The following ADAMTSL1 variants were observed in gnomAD, a reference collection of about 807,000 sequenced individuals.
The protein encoded by ADAMTSL1 is ADAMTS-like protein 1.
Under a neutral mutation model 201.8 loss-of-function variants are expected in ADAMTSL1, and 126 were observed. That is an observed-to-expected ratio of 0.62 (90% CI 0.54 to 0.72). ADAMTSL1 has a LOEUF of 0.72. Ranked by LOEUF, ADAMTSL1 falls within the 30% of genes least tolerant of loss-of-function variation. The pLI is 0.00. For synonymous variants in ADAMTSL1, 1,121 were observed against 903.4 expected, an observed-to-expected ratio of 1.24 and a Z score of -4.32; for missense variants, 2,679 against 2,277.8, an observed-to-expected ratio of 1.18 and a Z score of -3.59.
chr9:18,272,645 T>G (rs1832424409), intron 2 of ADAMTSL1, among the ~76,000 whole-genome samples: 1 of 152,202 alleles, frequency 6.6e-6, no homozygotes, highest in Non-Finnish European at 1.5e-5. Flanking sequence ...GTTGTAGGAT[T>G]TCTAAGAGAA....
At chr9:17,999,107 A>C (rs1345033980) in intron 1 of ADAMTSL1, among the ~76,000 whole-genome samples, 1 of 152,124 alleles carries the variant, frequency 6.6e-6, no homozygotes, top group Non-Finnish European at 1.5e-5. Flanking sequence ...CATGAACTGA[A>C]TACCCATAAA....
intron 5 of ADAMTSL1, among the ~76,000 whole-genome samples, chr9:18,626,824 T>A (rs1413981660): frequency 2.1e-5 from 3 of 143,304 alleles, no homozygotes; most frequent in Non-Finnish European, 3.1e-5. Context: ...TTTCTTTCTT[T>A]CTTTCTTACT....
chr9:18,572,675 T>A (rs377425108), intron 3 of ADAMTSL1, among the ~76,000 whole-genome samples: 1 of 152,322 alleles, frequency 6.6e-6, no homozygotes, highest in African/African-American at 2.4e-5. Context: ...TACCAGAGCG[T>A]TATATGCTCT....
chr9:18,280,343 A>G (rs537229139), intron 2 of ADAMTSL1, among the ~76,000 whole-genome samples: 1 of 151,498 alleles, frequency 6.6e-6, no homozygotes, highest in South Asian at 2.1e-4. Context: ...GTGGCTTGGC[A>G]CTGGGGTAGG....
At chr9:18,122,931 G>A (rs1159857265) in intron 1 of ADAMTSL1, among the ~76,000 whole-genome samples, 1 of 152,004 alleles carries the variant, frequency 6.6e-6, no homozygotes, top group Middle Eastern at 3.2e-3. Context: ...TCAAGATGGA[G>A]TTTCACCATG....
intron 14 of ADAMTSL1, among the ~76,000 whole-genome samples, chr9:18,717,729 T>C (rs565791497): frequency 6.6e-6 from 1 of 152,350 alleles, no homozygotes; most frequent in Non-Finnish European, 1.5e-5. Flanking sequence ...ATACTGGATG[T>C]AGTCTCTGCT....
intron 1 of ADAMTSL1, among the ~76,000 whole-genome samples, chr9:18,489,734 C>CA (rs1563992140): frequency 6.6e-6 from 1 of 151,996 alleles, no homozygotes; most frequent in Non-Finnish European, 1.5e-5. Flanking sequence ...GTCATATTTC[C>CA]CACTGCTCTT....
intron 2 of ADAMTSL1, among the ~76,000 whole-genome samples, chr9:18,173,874 A>C (rs1484311102): frequency 6.6e-6 from 1 of 152,156 alleles, no homozygotes; most frequent in Non-Finnish European, 1.5e-5. Context: ...TAATGGTGAA[A>C]TTTCGGTTTT....
At chr9:18,883,986 C>T (rs1330340812) in intron 23 of ADAMTSL1, among the ~76,000 whole-genome samples, 1 of 152,116 alleles carries the variant, frequency 6.6e-6, no homozygotes, top group Admixed American at 6.5e-5. Flanking sequence ...TTTTGAGGGG[C>T]CACCATACTG....
intron 23 of ADAMTSL1, among the ~76,000 whole-genome samples, chr9:18,851,784 GT>G (rs1232636538): frequency 2.0e-5 from 3 of 152,138 alleles, no homozygotes; most frequent in African/African-American, 7.2e-5. Context: ...CACTTGAGGC[GT>G]TTTTCCCTTA....
At chr9:18,547,631 T>TAAAAGAAAAAAA (rs71494960) in intron 3 of ADAMTSL1, among the ~76,000 whole-genome samples, 1 of 83,292 alleles carries the variant, frequency 1.2e-5, no homozygotes, top group African/African-American at 4.8e-5. Flanking sequence ...TGTATATATA[T>TAAAAGAAAAAAA]ATAAAAAAAA....
intron 3 of ADAMTSL1, among the ~76,000 whole-genome samples, chr9:18,562,343 G>A (rs939018005): frequency 6.6e-5 from 10 of 152,080 alleles, no homozygotes; most frequent in African/African-American, 2.2e-4. Context: ...TTGAATATTG[G>A]CCCCCACTCT....
At chr9:17,929,899 T>A (rs1437452301) in intron 1 of ADAMTSL1, among the ~76,000 whole-genome samples, 2 of 152,158 alleles carry the variant, frequency 1.3e-5, no homozygotes, top group Non-Finnish European at 2.9e-5. Flanking sequence ...ATTGTACACA[T>A]GAGGCCAGGG....
At chr9:18,023,322 A>T (rs1159946565) in intron 1 of ADAMTSL1, among the ~76,000 whole-genome samples, 1 of 152,112 alleles carries the variant, frequency 6.6e-6, no homozygotes, top group Non-Finnish European at 1.5e-5. Context: ...CTGACTTCCC[A>T]GATGATGCTG....
In ADAMTSL1 at chr9:18,390,118, G is replaced by C. The variant is rs149415035; in HGVS notation, c.208-114711G>C. ...TCAGCAAAATATCTACCATGAGATTGTATATATTTATTAGAAGTGAGATAC... is the reference window on the plus strand; with the variant it reads ...TCAGCAAAATATCTACCATGAGATTCTATATATTTATTAGAAGTGAGATAC... On this transcript the variant is annotated intron_variant, in intron 2 of 29. Transcript: ENST00000680146. 1.2e-3 allele frequency among the ~76,000 whole-genome samples: 188 copies of C among 152,234 alleles called. 1 individual carries two copies. The highest frequency in any genetic ancestry group is 4.4e-3 in the African/African-American group (184 of 41,554).
intron 6 of ADAMTSL1, among the ~76,000 whole-genome samples, chr9:18,636,924 G>C (rs554775260): frequency 6.6e-6 from 1 of 152,036 alleles, no homozygotes; most frequent in Non-Finnish European, 1.5e-5. Flanking sequence ...CCACACAAAT[G>C]CCTGTGAAAC....
At chr9:18,851,618 G>T (rs1042057448) in intron 23 of ADAMTSL1, among the ~76,000 whole-genome samples, 4 of 152,198 alleles carry the variant, frequency 2.6e-5, no homozygotes, top group Admixed American at 1.3e-4. Flanking sequence ...TCTGTTCAGG[G>T]TTGGCGTGGG....
At chr9:18,200,889 A>T (rs750024761) in intron 2 of ADAMTSL1, among the ~76,000 whole-genome samples, 1 of 152,032 alleles carries the variant, frequency 6.6e-6, no homozygotes, top group Admixed American at 6.6e-5. Context: ...CTCTTTCAGT[A>T]TACTTTTTTG....
intron 13 of ADAMTSL1, among the ~76,000 whole-genome samples, chr9:18,689,571 G>C (rs1317357266): frequency 6.6e-6 from 1 of 152,182 alleles, no homozygotes; most frequent in Non-Finnish European, 1.5e-5. Context: ...GGATGCTTTA[G>C]GTGCTCTTCC....
Sources: allele counts gnomAD v4.1 joint callset (sites outside exome capture counted in the v4.1 genomes callset), GRCh38; gene constraint gnomAD v4.1.1; transcripts MANE v1.5; gene names NCBI Gene and HGNC (gene_info 2026-07-23, HGNC 2026-07-21).